Variants in SYTL4 observed in about 807,000 individuals in gnomAD.
SYTL4 encodes the protein synaptotagmin-like protein 4.
A neutral mutation model predicts 52.7 loss-of-function variants in SYTL4; 16 were observed. The ratio of observed to expected loss-of-function variants is 0.30; its 90% CI spans 0.21 to 0.46. SYTL4 has a LOEUF of 0.46. Ranked by LOEUF, SYTL4 falls within the 20% of genes least tolerant of loss-of-function variation. The probability of loss-of-function intolerance (pLI) is 1.00; values close to 1 mark genes in which losing one functional copy is unlikely to be tolerated. For missense variants in SYTL4, 423 were observed against 519.9 expected (o/e 0.81, Z 1.81); for synonymous variants, 160 against 186.6 (o/e 0.86, Z 1.16).
At chrX:100,684,215 T>C (rs1299850127) in intron 16 of SYTL4, among the ~76,000 whole-genome samples, 1 of 112,142 alleles carries the variant, frequency 8.9e-6, no homozygotes, top group Non-Finnish European at 1.9e-5. Flanking sequence ...TTGTTGACTA[T>C]AGTCATCCTA....
rs1473541948 is a variant in SYTL4 at position 100,689,906 on chromosome X, C to T, written c.862G>A (p.Gly288Ser). ...LRPEDVVHES[G>S]SLGDRSKSVP... ...GATTTGCTTCTGTCTCCCAAGGAGCCACTTTCATGTACCACATCTTCTGGG... is the reference window on the plus strand; with the variant it reads ...GATTTGCTTCTGTCTCCCAAGGAGCTACTTTCATGTACCACATCTTCTGGG... The change falls in exon 12 of 20, where the codon GGC becomes AGC. Residue 288 changes from glycine to serine, a missense_variant. By Grantham distance (56) the Gly-to-Ser change is moderately conservative. Transcript: ENST00000372989. The T allele has an allele frequency of 8.3e-7, 1 of 1,210,645 alleles. No homozygotes were observed. The highest frequency in any genetic ancestry group is 3.0e-5 in the East Asian group (1 of 33,821).
chrX:100,716,278 C>T (rs1056629970), intron 2 of SYTL4, among the ~76,000 whole-genome samples: 20 of 106,218 alleles, frequency 1.9e-4, no homozygotes, highest in East Asian at 1.5e-3. Flanking sequence ...GGAGAAACTC[C>T]GTCTCTACTA....
rs2083480512 is a variant in SYTL4, at chrX:100,686,746, C to T, written c.1220G>A (p.Arg407His). Residue 407 changes from arginine to histidine, a missense_variant, in exon 15 of 20, where the codon CGC becomes CAC. By Grantham distance (29) the Arg-to-His change is conservative. Coordinates refer to ENST00000372989, the MANE Select transcript of SYTL4 (RefSeq NM_001370165.1). ...GATGCTGGTTTTTCTTTTTCCTTGGCGGGACTTGTCAGGCAGAAGGTAAGT... is the reference window on the plus strand; with the variant it reads ...GATGCTGGTTTTTCTTTTTCCTTGGTGGGACTTGTCAGGCAGAAGGTAAGT... ...VKTYLLPDKS[R>H]QGKRKTSIKR... The T allele has an allele frequency of 3.3e-6, 4 of 1,210,381 alleles. No individual in the cohort carries two copies. Among genetic ancestry groups the T allele is most frequent in the African/African-American group, 3.5e-5 (2 of 57,693 alleles).
At chrX:100,681,970 C>G (rs2083382970) in intron 16 of SYTL4, among the ~76,000 whole-genome samples, 1 of 112,055 alleles carries the variant, frequency 8.9e-6, no homozygotes, top group Admixed American at 9.4e-5. Context: ...CTTATGTTAG[C>G]CCTTACTATG....
intron 2 of SYTL4, among the ~76,000 whole-genome samples, chrX:100,716,391 G>A (rs760656789): frequency 1.9e-4 from 18 of 95,434 alleles, no homozygotes; most frequent in East Asian, 1.8e-3. Context: ...CAGAGGTTGC[G>A]GTGAGCTGAG....
Position 100,690,641 on chromosome X carries a change from G to A in SYTL4, c.642-3C>T. 1 of 1,187,286 alleles carries A rather than the reference G, an allele frequency of 8.4e-7. No homozygotes were observed. The highest frequency in any genetic ancestry group is 1.7e-5 in the African/African-American group (1 of 57,265). On this transcript the variant is annotated splice_region_variant and splice_polypyrimidine_tract_variant and intron_variant, in intron 9 of 19. Coordinates refer to ENST00000372989, the MANE Select transcript of SYTL4 (RefSeq NM_001370165.1). ...CAGATTTATCCAGAGAGTCTCTCCT[G>A]GAGGTAGATTCAGAAATTATAACTA...
In SYTL4 at chrX:100,691,125, G is replaced by A. The variant is rs953346044; in HGVS notation, c.624C>T (p.Asp208=). Residue 208 remains aspartate (D), a synonymous_variant, in exon 9 of 20, where the codon GAC becomes GAT. Transcript: ENST00000372989. ...AACCCCACCTGGAGGTGCTATCCGA[G>A]TCAGCTGTGAAGCTATCCAGACTCT... ...ESESLDSFTA[D]SDSTSRRDSL... 2 of 1,204,123 alleles carry A rather than the reference G, an allele frequency of 1.7e-6. No homozygotes were observed. The highest frequency in any genetic ancestry group is 2.2e-5 in the Admixed American group (1 of 45,545).
At chrX:100,706,609 G>A (rs2083962736) in intron 2 of SYTL4, among the ~76,000 whole-genome samples, 1 of 112,183 alleles carries the variant, frequency 8.9e-6, no homozygotes, top group African/African-American at 3.2e-5. Context: ...GAGACAAAGA[G>A]AAAACAAAAG....
chrX:100,680,944 C>T (rs745409201), intron 17 of SYTL4, among the ~76,000 whole-genome samples: 1 of 111,623 alleles, frequency 9.0e-6, no homozygotes, highest in Non-Finnish European at 1.9e-5. Context: ...CCTTCTCAGC[C>T]CCAAAGTTTC....
At chrX:100,723,401 C>T (rs983150628) in intron 2 of SYTL4, among the ~76,000 whole-genome samples, 2 of 112,444 alleles carry the variant, frequency 1.8e-5, no homozygotes, top group Non-Finnish European at 3.8e-5. Context: ...GGATTGCAGA[C>T]GGAGTGTCGT....
At chrX:100,688,274 G>A (rs777438720) in intron 13 of SYTL4, 77 bp downstream of exon 13, 6 of 855,858 alleles carry the variant, frequency 7.0e-6, no homozygotes, top group East Asian at 3.1e-5. Flanking sequence ...CCCAGGTCCC[G>A]AATCTGCTCT....
intron 8 of SYTL4, among the ~76,000 whole-genome samples, chrX:100,698,368 G>A (rs921348108): frequency 2.7e-5 from 3 of 111,929 alleles, no homozygotes; most frequent in African/African-American, 3.3e-5. Flanking sequence ...CTCCCAAAGT[G>A]CTGGGATTAC....
intron 2 of SYTL4, among the ~76,000 whole-genome samples, chrX:100,717,913 T>C (rs1277885472): frequency 3.6e-5 from 4 of 112,479 alleles, no homozygotes; most frequent in African/African-American, 9.7e-5. Context: ...TAGCATAGAA[T>C]TGTGCTTAAA....
chrX:100,682,784 T>C (rs1409400482), intron 16 of SYTL4, among the ~76,000 whole-genome samples: 2 of 111,922 alleles, frequency 1.8e-5, no homozygotes, highest in African/African-American at 6.5e-5. Flanking sequence ...AATTTGGATT[T>C]GCCACAATTA....
intron 10 of SYTL4, 66 bp downstream of exon 10, chrX:100,690,497 A>T: frequency 4.5e-6 from 4 of 885,885 alleles, no homozygotes; most frequent in Non-Finnish European, 6.5e-6. Flanking sequence ...ACGGAGGGAG[A>T]CAGGAGGTAA....
At chrX:100,685,103 CAT>C (rs748774352) in intron 16 of SYTL4, 14 of 112,342 alleles carry the variant, frequency 1.2e-4, no homozygotes, top group South Asian at 1.1e-3. Flanking sequence ...AATTTTGAAT[CAT>C]GTGTACATAA....
intron 16 of SYTL4, chrX:100,685,737 G>A: frequency 3.4e-6 from 1 of 293,591 alleles, no homozygotes; most frequent in Non-Finnish European, 6.0e-6. Context: ...AAGGTTAGGA[G>A]ACAAAGTTTG....
chrX:100,729,036 CAA>C (rs759280938), intron 2 of SYTL4, among the ~76,000 whole-genome samples: 3 of 83,713 alleles, frequency 3.6e-5, no homozygotes, highest in Admixed American at 2.7e-4. Context: ...AACTCTGCCT[CAA>C]AAAAAAAAAA....
At chrX:100,722,318 C>A (rs2147826167) in intron 2 of SYTL4, among the ~76,000 whole-genome samples, 1 of 111,492 alleles carries the variant, frequency 9.0e-6, no homozygotes, top group Admixed American at 9.5e-5. Context: ...TTAACCCTGC[C>A]TGGCACTGCA....
Sources: gnomAD v4.1 joint callset for allele counts (sites outside exome capture counted in the v4.1 genomes callset) on GRCh38, gnomAD v4.1.1 for gene constraint, MANE v1.5 for transcripts, NCBI Gene and HGNC (gene_info 2026-07-23, HGNC 2026-07-21) for gene names.